ICA1: variants seen among roughly 807,000 people sequenced by gnomAD.
ICA1 encodes the protein islet cell autoantigen 1.
In ICA1, 40 loss-of-function variants were observed where a neutral mutation model predicts 71.0. The ratio of observed to expected loss-of-function variants is 0.56; its 90% CI spans 0.44 to 0.73. ICA1 has a LOEUF of 0.73. ICA1 is among the 30% of genes least tolerant of loss of function. The pLI is 0.00. For missense variants in ICA1, 578 were observed against 576.5 expected (o/e 1.00, Z -0.03); for synonymous variants, 207 against 209.5 (o/e 0.99, Z 0.10).
At chr7:8,195,841 G>A (rs1787303529) in intron 6 of ICA1, among the ~76,000 whole-genome samples, 1 of 152,098 alleles carries the variant, frequency 6.6e-6, no homozygotes, top group African/African-American at 2.4e-5. Flanking sequence ...AGCCAGGCAT[G>A]GTGGTATGTG....
chr7:8,200,278 C>T (rs530605686), intron 6 of ICA1, among the ~76,000 whole-genome samples: 11 of 120,626 alleles, frequency 9.1e-5, no homozygotes, highest in South Asian at 2.9e-4. Flanking sequence ...CATGTGTTTC[C>T]GGGATGACAG....
intron 12 of ICA1, among the ~76,000 whole-genome samples, chr7:8,135,656 A>G (rs953702175): frequency 3.9e-5 from 6 of 152,196 alleles, no homozygotes; most frequent in Admixed American, 2.6e-4. Flanking sequence ...ACCCACACCT[A>G]TGGTACCTAC....
At chr7:8,140,045 G>A (rs982368634) in intron 10 of ICA1, among the ~76,000 whole-genome samples, 2 of 152,116 alleles carry the variant, frequency 1.3e-5, no homozygotes, top group Non-Finnish European at 2.9e-5. Context: ...ACTGCACAAG[G>A]AACGAGAGAA....
chr7:8,259,199 C>G (rs1049873425), intron 1 of ICA1, among the ~76,000 whole-genome samples: 6 of 152,168 alleles, frequency 3.9e-5, no homozygotes, highest in Admixed American at 6.5e-5. Flanking sequence ...TCATGGAGAT[C>G]TTGTTAAAAT....
At chr7:8,177,470 T>C (rs1780973843) in intron 6 of ICA1, among the ~76,000 whole-genome samples, 1 of 152,334 alleles carries the variant, frequency 6.6e-6, no homozygotes, top group East Asian at 1.9e-4. Context: ...TATCAATTTC[T>C]CTCTAATCTG....
intron 13 of ICA1, among the ~76,000 whole-genome samples, chr7:8,115,151 G>C (rs6978661): frequency 3.5e-4 from 54 of 152,272 alleles, no homozygotes; most frequent in Middle Eastern, 3.4e-3. Flanking sequence ...TGTAAAAAAA[G>C]TCTTTTGTAG....
intron 10 of ICA1, among the ~76,000 whole-genome samples, chr7:8,141,370 C>A (rs1795176079): frequency 6.6e-6 from 1 of 152,212 alleles, no homozygotes; most frequent in South Asian, 2.1e-4. Context: ...ATCCACCCGC[C>A]CCACACATAC....
intron 1 of ICA1, among the ~76,000 whole-genome samples, chr7:8,259,162 A>G (rs1811323778): frequency 6.6e-6 from 1 of 152,220 alleles, no homozygotes. Flanking sequence ...AACAGGTTAC[A>G]GCATTGCTTC....
intron 6 of ICA1, among the ~76,000 whole-genome samples, chr7:8,181,288 T>C (rs1451646251): frequency 6.6e-6 from 1 of 152,142 alleles, no homozygotes; most frequent in Non-Finnish European, 1.5e-5. Context: ...CAAGTGACCT[T>C]ATATGTGTGG....
At chr7:8,133,391 G>A (rs1792204550) in intron 12 of ICA1, among the ~76,000 whole-genome samples, 1 of 152,190 alleles carries the variant, frequency 6.6e-6, no homozygotes. Context: ...TGCCTTCTGA[G>A]TAGCTGGGAC....
At chr7:8,204,633 T>C (rs1485367299) in intron 6 of ICA1, among the ~76,000 whole-genome samples, 1 of 152,218 alleles carries the variant, frequency 6.6e-6, no homozygotes. Flanking sequence ...ATCACATTGT[T>C]CATTGTGGAG....
Position 8,221,330 on chromosome 7 carries a change from C to T in ICA1, c.325G>A (p.Ala109Thr). 2 of 1,613,770 alleles carry T rather than the reference C, an allele frequency of 1.2e-6. No homozygotes were observed. The highest frequency in any genetic ancestry group is 2.2e-5 in the South Asian group (2 of 91,078). ...CCTGTCGCTTGCATCATCTTTCCTGCTCTGGTTTTATCTTGGAAACCTTGG... is the reference window on the plus strand; with the variant it reads ...CCTGTCGCTTGCATCATCTTTCCTGTTCTGGTTTTATCTTGGAAACCTTGG... ...RSQGFQDKTRAGKMMQATGKA... is the reference protein window; with the variant it reads ...RSQGFQDKTRTGKMMQATGKA... The change falls in exon 5 of 14, where the codon GCA (alanine) becomes ACA (threonine). Residue 109 changes from alanine to threonine, a missense_variant. Ala to Thr is a moderately conservative substitution (Grantham distance 58). Coordinates refer to ENST00000402384, the MANE Select transcript of ICA1 (RefSeq NM_001136020.3).
At chr7:8,131,199 C>T (rs563667952) in intron 12 of ICA1, among the ~76,000 whole-genome samples, 3 of 152,324 alleles carry the variant, frequency 2.0e-5, no homozygotes, top group African/African-American at 7.2e-5. Flanking sequence ...GAAACAGCCT[C>T]AAGAAGTGGA....
At chr7:8,122,774 G>A (rs925385478) in intron 13 of ICA1, among the ~76,000 whole-genome samples, 6 of 152,186 alleles carry the variant, frequency 3.9e-5, no homozygotes, top group Non-Finnish European at 7.3e-5. Context: ...CTCAGAATTC[G>A]GTAAAACAAA....
In ICA1 at chr7:8,235,955, T is replaced by G; in HGVS notation, c.-29A>C. ...TTCTTCTTCTTCTATTGTTGATGAT[T>G]TGGGGAGAAGGGGCAGGAAAAAAGC... On this transcript the variant is annotated 5_prime_UTR_variant, in exon 2 of 14. Transcript: ENST00000402384. 6.2e-7 allele frequency: 1 copy of G among 1,611,446 alleles called. No individual in the cohort carries two copies. The highest frequency in any genetic ancestry group is 8.5e-7 in the Non-Finnish European group (1 of 1,178,774).
chr7:8,135,349 T>C (rs1793048768), intron 12 of ICA1, among the ~76,000 whole-genome samples: 1 of 151,966 alleles, frequency 6.6e-6, no homozygotes, highest in South Asian at 2.1e-4. Flanking sequence ...GAAATCTTTA[T>C]AAGGGTAAAT....
chr7:8,133,019 C>T (rs1404406060), intron 12 of ICA1, among the ~76,000 whole-genome samples: 2 of 152,266 alleles, frequency 1.3e-5, no homozygotes, highest in African/African-American at 2.4e-5. Flanking sequence ...TTGAGAGGTG[C>T]GGCCTTTAAG....
At chr7:8,246,029 C>T (rs150093580) in intron 1 of ICA1, among the ~76,000 whole-genome samples, 2 of 152,182 alleles carry the variant, frequency 1.3e-5, no homozygotes, top group Admixed American at 6.5e-5. Context: ...GCAATGGAAG[C>T]TATTTCTCCA....
rs565114265 is a variant in ICA1 at position 8,175,926 on chromosome 7, C to T, written c.580-17274G>A. Among the ~76,000 whole-genome samples the T allele has an allele frequency of 6.6e-5, 10 of 152,262 alleles. No homozygotes were observed. In the East Asian group the frequency reaches 1.2e-3, roughly 18 times the overall value. On this transcript the variant is annotated intron_variant, in intron 6 of 13. Coordinates refer to ENST00000402384, the MANE Select transcript of ICA1 (RefSeq NM_001136020.3). ...CTGTGATTCTCCCTTGTTTATCCCC[C>T]GCTCCTGCCTCGTCAGTCTTTGGTT... is the stretch of plus-strand genomic sequence containing the variant.
Sources: gnomAD v4.1 joint callset for allele counts (sites outside exome capture counted in the v4.1 genomes callset) on GRCh38, gnomAD v4.1.1 for gene constraint, MANE v1.5 for transcripts, NCBI Gene and HGNC (gene_info 2026-07-23, HGNC 2026-07-21) for gene names.